Variants in DNAH3 observed in about 807,000 individuals in gnomAD.
DNAH3 encodes dynein axonemal heavy chain 3, also known as axonemal beta dynein heavy chain 3.
A neutral mutation model predicts 432.5 loss-of-function variants in DNAH3; 332 were observed. The observed-to-expected ratio is 0.77, with a 90% confidence interval of 0.70 to 0.84. DNAH3 has a LOEUF of 0.84. Ranked by LOEUF, DNAH3 falls within the 40% of genes least tolerant of loss-of-function variation. DNAH3 has a pLI of 0.00. For missense variants in DNAH3, 4,861 were observed against 5,114.0 expected (o/e 0.95, Z 1.51); for synonymous variants, 1,956 against 1,900.2 (o/e 1.03, Z -0.76).
At chr16:20,939,265 A>ACACC (rs1162442262) in intron 59 of DNAH3, among the ~76,000 whole-genome samples, 5 of 152,174 alleles carry the variant, frequency 3.3e-5, no homozygotes, top group Non-Finnish European at 7.3e-5. Flanking sequence ...TCCTAGGCTC[A>ACACC]CACCCCATAC....
intron 39 of DNAH3, among the ~76,000 whole-genome samples, chr16:21,023,786 G>GTGTGTGTGTGTGTGTGTGTGT (rs1567654144): frequency 8.3e-4 from 122 of 146,480 alleles, no homozygotes; most frequent in African/African-American, 2.9e-3. Context: ...CAGCTTTTGG[G>GTGTGTGTGTGTGTGTGTGTGT]GTGTGTGTGT....
chr16:20,987,985 CAATCG>C lies in DNAH3; in HGVS notation c.6677_6681del (p.Ser2226CysfsTer2), dbSNP rs2086290590. The stretch of plus-strand genomic sequence containing the variant: ...AACCCTTTCCCGAAGTGCCAGTCAA[CAATCG>C]AACTGAAAATCTTGGTTAAAATGTC... On this transcript the variant is annotated frameshift_variant, in exon 45 of 62. Transcript: ENST00000261383. LOFTEE classifies it high-confidence loss of function. The C allele has an allele frequency of 6.2e-7, 1 of 1,614,162 alleles. No individual in the cohort carries two copies.
In DNAH3 at chr16:21,007,864, T is replaced by C. The variant is rs545938544; in HGVS notation, c.6023-4657A>G. On this transcript the variant is annotated intron_variant, in intron 41 of 61. Coordinates refer to ENST00000261383, the Ensembl canonical transcript of DNAH3. ...ATTTAAGTCTTTGACCTATTTTGAG[T>C]TAATTTTTCACTATAGTGTGAGGCA... is the stretch of plus-strand genomic sequence containing the variant. Among the ~76,000 whole-genome samples, 440 of 152,348 alleles carry C rather than the reference T, an allele frequency of 2.9e-3. 4 individuals are homozygous for C. The highest frequency in any genetic ancestry group is 4.1e-3 in the Non-Finnish European group (278 of 68,040).
At chr16:21,058,980 T>G (rs1300702880) in intron 26 of DNAH3, among the ~76,000 whole-genome samples, 2 of 152,046 alleles carry the variant, frequency 1.3e-5, no homozygotes, top group Admixed American at 1.3e-4. Context: ...GTTCTGCACA[T>G]GTATCCCAGA....
Position 21,003,576 on chromosome 16 carries a change from C to T in DNAH3, c.6023-369G>A, listed in dbSNP as rs551083027. ...TCACCTGAAGTCAGGGGTTCGAGAC[C>T]AGCCTCGCCAACAGGGTGAAACCCC... On this transcript the variant is annotated intron_variant, in intron 41 of 61. Transcript: ENST00000261383. Among the ~76,000 whole-genome samples the T allele has an allele frequency of 3.3e-5, 5 of 152,126 alleles. No individual in the cohort carries two copies. The South Asian group carries it at 1.0e-3, about 32-fold the overall frequency.
At chr16:20,936,849 T>A (rs1421176481) in exon 60 of DNAH3, 3 of 1,609,994 alleles carry the variant, frequency 1.9e-6, no homozygotes, top group Non-Finnish European at 2.5e-6. Context: ...ACCACTTTGG[T>A]CAGCCTGCAA....
intron 52 of DNAH3, among the ~76,000 whole-genome samples, chr16:20,969,282 A>G (rs2085217363): frequency 6.8e-6 from 1 of 146,428 alleles, no homozygotes; most frequent in Non-Finnish European, 1.5e-5. Context: ...GTGTGCATGC[A>G]TGTGTGTGCA....
At chr16:20,974,578 T>TG (rs973722425) in intron 51 of DNAH3, among the ~76,000 whole-genome samples, 2 of 87,454 alleles carry the variant, frequency 2.3e-5, no homozygotes, top group African/African-American at 8.1e-5. Flanking sequence ...TGTTTTATAG[T>TG]GTTTTTTTTT....
rs745369732 is a variant in DNAH3 at position 20,970,006 on chromosome 16, G to A, written c.8260-16C>T. On this transcript the variant is annotated splice_polypyrimidine_tract_variant and intron_variant, in intron 51 of 61. Transcript: ENST00000261383. ...CACATTCGTTCTGTGGGCGGCATGAGGACAAAGGAGATGAGTGCCCAGGGC... is the reference window on the plus strand; with the variant it reads ...CACATTCGTTCTGTGGGCGGCATGAAGACAAAGGAGATGAGTGCCCAGGGC... 12 of 1,612,996 alleles carry A rather than the reference G, an allele frequency of 7.4e-6. No homozygotes were observed. The highest frequency in any genetic ancestry group is 1.0e-5 in the Non-Finnish European group (12 of 1,179,754).
intron 48 of DNAH3, among the ~76,000 whole-genome samples, chr16:20,984,047 A>G (rs1249708554): frequency 6.6e-6 from 1 of 150,488 alleles, no homozygotes; most frequent in East Asian, 1.9e-4. Flanking sequence ...AAAAAAAAAG[A>G]CAGAAAGGGC....
chr16:21,094,706 G>A (rs1167945053), intron 18 of DNAH3, among the ~76,000 whole-genome samples: 3 of 152,056 alleles, frequency 2.0e-5, no homozygotes, highest in Non-Finnish European at 4.4e-5. Flanking sequence ...CCAGTGGCTG[G>A]TTGATATGGT....
chr16:20,961,151 A>G (rs1324313105), intron 53 of DNAH3, among the ~76,000 whole-genome samples: 1 of 152,258 alleles, frequency 6.6e-6, no homozygotes, highest in Admixed American at 6.5e-5. Flanking sequence ...TCTAAGGATT[A>G]CATATGGTCT....
intron 55 of DNAH3, among the ~76,000 whole-genome samples, chr16:20,953,359 A>T (rs562265904): frequency 1.3e-5 from 2 of 152,054 alleles, no homozygotes; most frequent in Admixed American, 1.3e-4. Flanking sequence ...GGGATTCGCC[A>T]TGTTGGCCAG....
chr16:21,057,305 A>T (rs748795385), intron 27 of DNAH3, among the ~76,000 whole-genome samples: 3 of 152,214 alleles, frequency 2.0e-5, no homozygotes, highest in Non-Finnish European at 4.4e-5. Flanking sequence ...TTTATTGATC[A>T]TCTACTCTGT....
intron 17 of DNAH3, 81 bp downstream of exon 17, chr16:21,098,535 A>G: frequency 1.4e-6 from 2 of 1,441,824 alleles, no homozygotes. Flanking sequence ...AGATGCTATT[A>G]GGAAATAGGA....
intron 59 of DNAH3, among the ~76,000 whole-genome samples, chr16:20,938,394 T>TA (rs5816142): frequency 0.36 from 52,156 of 143,196 alleles, 9,972 homozygotes; most frequent in Non-Finnish European, 0.46. Context: ...CTGTCTCAAT[T>TA]AAAAAAAAAA....
chr16:21,037,963 A>G (rs1263548412), exon 34 of DNAH3: 5 of 1,614,016 alleles, frequency 3.1e-6, no homozygotes, highest in Admixed American at 3.3e-5. Flanking sequence ...GTAGGTCGCA[A>G]CGATCTTCTG....
rs906598069 is a variant in DNAH3 at position 20,987,443 on chromosome 16, T to C, written c.6888A>G (p.Val2296=). ...GGATCCAAAGCCGGATACATTTTTCTACATCCTAAAAATCCAGAGTTAATT... is the reference window on the plus strand; with the variant it reads ...GGATCCAAAGCCGGATACATTTTTCCACATCCTAAAAATCCAGAGTTAATT... Residue 2296 remains valine, a synonymous_variant, in exon 47 of 62, where the codon GTA becomes GTG. Coordinates refer to ENST00000261383, the Ensembl canonical transcript of DNAH3. 2.5e-6 allele frequency: 4 copies of C among 1,613,886 alleles called. No individual in the cohort carries two copies. In the African/African-American group the frequency reaches 4.0e-5, roughly 16 times the overall value.
chr16:21,036,810 T>G (rs1262620783), exon 35 of DNAH3: 9 of 1,611,836 alleles, frequency 5.6e-6, no homozygotes, highest in African/African-American at 1.3e-5. Context: ...AGTCTGGCTT[T>G]GGAAGAACAA....
Sources: gnomAD v4.1 joint callset for allele counts (sites outside exome capture counted in the v4.1 genomes callset) on GRCh38, gnomAD v4.1.1 for gene constraint, MANE v1.5 for transcripts, NCBI Gene and HGNC (gene_info 2026-07-23, HGNC 2026-07-21) for gene names.